CCDC192: variants seen among roughly 807,000 people sequenced by gnomAD.
The protein encoded by CCDC192 is coiled-coil domain-containing protein 192.
intron 6 of CCDC192, among the ~76,000 whole-genome samples, chr5:127,898,719 G>A (rs1423353488): frequency 6.6e-6 from 1 of 152,066 alleles, no homozygotes; most frequent in African/African-American, 2.4e-5. Context: ...TCCCTGCATG[G>A]TACCCTTCAT....
At chr5:127,890,044 G>C (rs1267944087) in intron 6 of CCDC192, among the ~76,000 whole-genome samples, 1 of 152,092 alleles carries the variant, frequency 6.6e-6, no homozygotes, top group Non-Finnish European at 1.5e-5. Flanking sequence ...TATGTGGTCT[G>C]ATGTTCCCAC....
At chr5:127,939,198 AC>A (rs1448628326) in intron 6 of CCDC192, among the ~76,000 whole-genome samples, 1 of 144,020 alleles carries the variant, frequency 6.9e-6, no homozygotes. Flanking sequence ...GCTCAATGCA[AC>A]CTGCAACTCC....
intron 5 of CCDC192, among the ~76,000 whole-genome samples, chr5:127,825,630 C>A (rs1297450834): frequency 1.3e-5 from 2 of 152,216 alleles, no homozygotes; most frequent in Admixed American, 1.3e-4. Context: ...AGGTCTCTAA[C>A]TGCTCCAAAC....
chr5:127,812,006 A>T (rs1015752614), intron 5 of CCDC192, among the ~76,000 whole-genome samples: 14 of 152,192 alleles, frequency 9.2e-5, no homozygotes, highest in Non-Finnish European at 2.1e-4. Context: ...TTTGGTTTAG[A>T]GCCCAGCTCT....
chr5:127,757,801 C>T (rs542537726), intron 3 of CCDC192, among the ~76,000 whole-genome samples: 38 of 32,724 alleles, frequency 1.2e-3, no homozygotes, highest in African/African-American at 3.3e-3. Context: ...CACACACACT[C>T]TCTCTCTCTC....
At chr5:127,820,072 C>T (rs1292703812) in intron 5 of CCDC192, among the ~76,000 whole-genome samples, 1 of 152,164 alleles carries the variant, frequency 6.6e-6, no homozygotes, top group Non-Finnish European at 1.5e-5. Flanking sequence ...TTTAAATGTT[C>T]TTATTTTGAG....
intron 6 of CCDC192, among the ~76,000 whole-genome samples, chr5:127,890,998 T>C (rs975437486): frequency 6.6e-6 from 1 of 152,204 alleles, no homozygotes; most frequent in Admixed American, 6.5e-5. Flanking sequence ...ACCCTCACAC[T>C]TCTCTTCAAA....
chr5:127,905,072 A>T (rs1753159305), intron 6 of CCDC192, among the ~76,000 whole-genome samples: 1 of 152,000 alleles, frequency 6.6e-6, no homozygotes, highest in Admixed American at 6.6e-5. Context: ...GCTGAAAAGG[A>T]GCTGCCTGGA....
At chr5:127,883,348 A>G (rs765636864) in intron 6 of CCDC192, among the ~76,000 whole-genome samples, 1 of 152,238 alleles carries the variant, frequency 6.6e-6, no homozygotes, top group Non-Finnish European at 1.5e-5. Context: ...CACACCAGCA[A>G]TTAACAGTGG....
intron 2 of CCDC192, among the ~76,000 whole-genome samples, chr5:127,746,731 T>C (rs1420455340): frequency 6.6e-6 from 1 of 151,916 alleles, no homozygotes; most frequent in Non-Finnish European, 1.5e-5. Flanking sequence ...ATTCCTCCCC[T>C]AATGGCAAAC....
At position 127,825,626 on chromosome 5, in the gene CCDC192, C is replaced by CT. The variant is rs530727997; in HGVS notation, c.411+27465dup. ...CTGGGAGGTTCCTCCTGACAGGTCT[C>CT]TAACTGCTCCAAACATATACATTCT... On this transcript the variant is annotated intron_variant, in intron 5 of 6. Coordinates refer to ENST00000514853, the MANE Select transcript of CCDC192 (RefSeq NM_001317938.2). Among the ~76,000 whole-genome samples, 22 of 152,364 alleles carry CT rather than the reference C, an allele frequency of 1.4e-4. 1 individual carries two copies. Among genetic ancestry groups the CT allele is most frequent in the Admixed American group, 1.0e-3 (16 of 15,302 alleles).
chr5:127,844,143 G>A (rs898997100), intron 5 of CCDC192, among the ~76,000 whole-genome samples: 5 of 152,010 alleles, frequency 3.3e-5, no homozygotes, highest in African/African-American at 1.2e-4. Flanking sequence ...TTCTTGCCCT[G>A]TTCCATGGCA....
intron 2 of CCDC192, among the ~76,000 whole-genome samples, chr5:127,729,771 C>T (rs186531005): frequency 1.3e-5 from 2 of 152,188 alleles, no homozygotes; most frequent in East Asian, 3.9e-4. Context: ...TGAATGACTC[C>T]TGGGTAAATA....
chr5:127,898,128 G>C (rs1029706072), intron 6 of CCDC192, among the ~76,000 whole-genome samples: 14 of 150,144 alleles, frequency 9.3e-5, no homozygotes, highest in African/African-American at 3.2e-4. Context: ...TTTTTTTTGA[G>C]ACGGAGTTTT....
chr5:127,733,842 CTT>C (rs35941519), intron 2 of CCDC192, among the ~76,000 whole-genome samples: 1 of 140,958 alleles, frequency 7.1e-6, no homozygotes, highest in African/African-American at 2.6e-5. Context: ...ATTGAAGTTT[CTT>C]TTTTTTTTTT....
intron 6 of CCDC192, among the ~76,000 whole-genome samples, chr5:127,889,407 CTTT>C (rs5871279): frequency 1.6e-5 from 2 of 128,840 alleles, no homozygotes; most frequent in African/African-American, 2.9e-5. Context: ...TTCTTTCTTT[CTTT>C]TTTTTTTTTT....
At chr5:127,884,513 C>G (rs965445277) in intron 6 of CCDC192, among the ~76,000 whole-genome samples, 3 of 151,890 alleles carry the variant, frequency 2.0e-5, no homozygotes, top group Non-Finnish European at 1.5e-5. Flanking sequence ...CACCCAACTC[C>G]AGGTAACAGA....
chr5:127,707,654 G>A (rs777897579), intron 1 of CCDC192, 55 bp from the exon 2 acceptor site: 18 of 396,942 alleles, frequency 4.5e-5, no homozygotes, highest in East Asian at 1.8e-4. Context: ...GTGTGTGTGC[G>A]CACATGAGAG....
intron 6 of CCDC192, among the ~76,000 whole-genome samples, chr5:127,881,111 T>G (rs1319135700): frequency 6.6e-6 from 1 of 152,138 alleles, no homozygotes; most frequent in African/African-American, 2.4e-5. Context: ...AAGAAATAAA[T>G]CTCCAGTGGT....
Sources: gnomAD v4.1 joint callset for allele counts (sites outside exome capture counted in the v4.1 genomes callset) on GRCh38, gnomAD v4.1.1 for gene constraint, MANE v1.5 for transcripts, NCBI Gene and HGNC (gene_info 2026-07-23, HGNC 2026-07-21) for gene names.